Variants in TMEM135 observed in about 807,000 individuals in gnomAD.
TMEM135 encodes the protein transmembrane protein 135, also known as peroxisomal membrane protein 52.
A neutral mutation model predicts 60.3 loss-of-function variants in TMEM135; 30 were observed. That is an observed-to-expected ratio of 0.50 (90% CI 0.37 to 0.68). The LOEUF (loss-of-function observed/expected upper bound fraction) is 0.68. Ranked by LOEUF, TMEM135 falls within the 30% of genes least tolerant of loss-of-function variation. The pLI is 0.00. For missense variants in TMEM135, 468 were observed against 548.8 expected, an observed-to-expected ratio of 0.85 and a Z score of 1.47; for synonymous variants, 190 against 186.7, an observed-to-expected ratio of 1.02 and a Z score of -0.14.
rs71040298 is a variant in TMEM135 at position 87,201,950 on chromosome 11, T to TTTATGTTATGTTATGTTATGTTATG, written c.463-34651_463-34627dup. Among the ~76,000 whole-genome samples, 42 of 137,926 alleles carry TTTATGTTATGTTATGTTATGTTATG rather than the reference T, an allele frequency of 3.0e-4. 1 individual carries two copies. Among genetic ancestry groups the TTTATGTTATGTTATGTTATGTTATG allele is most frequent in the Admixed American group, 7.6e-4 (10 of 13,182 alleles). The allele number at this position is 137,926 out of a possible 152,430, so 90.5% of individuals were successfully genotyped here. On this transcript the variant is annotated intron_variant, in intron 5 of 14. Coordinates refer to ENST00000305494, the MANE Select transcript of TMEM135 (RefSeq NM_022918.4). ...ATGCATTCACTTTTGGTATTTATTT[T>TTTATGTTATGTTATGTTATGTTATG]TTATGTTATGTTATGTTATGTTATG...
intron 6 of TMEM135, among the ~76,000 whole-genome samples, chr11:87,241,843 T>G (rs1941142249): frequency 6.9e-6 from 1 of 144,468 alleles, no homozygotes; most frequent in Admixed American, 6.9e-5. Context: ...TGACAGCCTT[T>G]TTTTTTAAAA....
At chr11:87,155,545 C>T (rs1300589250) in intron 4 of TMEM135, among the ~76,000 whole-genome samples, 1 of 152,118 alleles carries the variant, frequency 6.6e-6, no homozygotes, top group Non-Finnish European at 1.5e-5. Context: ...CAAGTCAGTA[C>T]ACCAAGACAT....
chr11:87,109,979 T>C (rs946893301), intron 4 of TMEM135, among the ~76,000 whole-genome samples: 9 of 152,204 alleles, frequency 5.9e-5, no homozygotes. Context: ...ATGGAATGGA[T>C]AACAGAATGA....
At chr11:87,249,144 A>G (rs1333747992) in intron 6 of TMEM135, among the ~76,000 whole-genome samples, 3 of 152,180 alleles carry the variant, frequency 2.0e-5, no homozygotes, top group Non-Finnish European at 4.4e-5. Context: ...AACAGTCATG[A>G]AAGTGGGCAT....
chr11:87,304,696 A>G (rs1020064342), intron 8 of TMEM135, among the ~76,000 whole-genome samples: 30 of 152,216 alleles, frequency 2.0e-4, no homozygotes, highest in Non-Finnish European at 1.3e-4. Flanking sequence ...TTGCTAATCA[A>G]TTTGCGAATG....
In TMEM135 at chr11:87,102,709, T is replaced by TATGTATATAC. The variant is rs1486761501; in HGVS notation, c.396+11316_396+11317insGTATATACAT. On this transcript the variant is annotated intron_variant, in intron 4 of 14. Coordinates refer to ENST00000305494, the MANE Select transcript of TMEM135 (RefSeq NM_022918.4). ...ATGTGTGTGTATATATATATGTATA[T>TATGTATATAC]ATATGTATATATATATATGTATATA... Among the ~76,000 whole-genome samples the TATGTATATAC allele has an allele frequency of 1.4e-4, 13 of 90,710 alleles. No homozygotes were observed. In the South Asian group the frequency reaches 4.2e-3, roughly 29 times the overall value. 59.5% of individuals were successfully genotyped at this position (90,710 alleles called of 152,430 possible).
intron 9 of TMEM135, among the ~76,000 whole-genome samples, chr11:87,306,324 T>A (rs1460412828): frequency 1.3e-5 from 2 of 152,212 alleles, no homozygotes; most frequent in South Asian, 2.1e-4. Context: ...TTGTAATGTA[T>A]CCTCATTAGA....
chr11:87,250,901 G>C (rs1002550296), intron 6 of TMEM135, among the ~76,000 whole-genome samples: 1 of 152,148 alleles, frequency 6.6e-6, no homozygotes, highest in Non-Finnish European at 1.5e-5. Flanking sequence ...ACAGGTAATA[G>C]GGGATGCTCT....
chr11:87,099,747 A>T (rs1465597756), intron 4 of TMEM135, among the ~76,000 whole-genome samples: 1 of 132,554 alleles, frequency 7.5e-6, no homozygotes, highest in African/African-American at 2.9e-5. Context: ...CAGTGGCGTG[A>T]TCTTGGCTCA....
intron 6 of TMEM135, among the ~76,000 whole-genome samples, chr11:87,285,569 T>G (rs1942148870): frequency 6.6e-6 from 1 of 152,114 alleles, no homozygotes; most frequent in Non-Finnish European, 1.5e-5. Flanking sequence ...GAGTTGTTCA[T>G]TCCACCTGTT....
intron 1 of TMEM135, among the ~76,000 whole-genome samples, chr11:87,041,396 G>A (rs1377217173): frequency 6.6e-6 from 1 of 151,910 alleles, no homozygotes; most frequent in Non-Finnish European, 1.5e-5. Flanking sequence ...ACAAAATGAT[G>A]CTTTCAGATG....
At chr11:87,114,545 A>G (rs896885806) in intron 4 of TMEM135, among the ~76,000 whole-genome samples, 6 of 152,208 alleles carry the variant, frequency 3.9e-5, no homozygotes. Context: ...CATTTGGAAC[A>G]TACTTGTAGA....
At chr11:87,109,856 G>C (rs2135196938) in intron 4 of TMEM135, among the ~76,000 whole-genome samples, 1 of 150,848 alleles carries the variant, frequency 6.6e-6, no homozygotes, top group African/African-American at 2.4e-5. Context: ...TTATTGTACT[G>C]TATGTCAGTG....
chr11:87,100,177 A>G (rs1179704124), intron 4 of TMEM135, among the ~76,000 whole-genome samples: 2 of 152,226 alleles, frequency 1.3e-5, no homozygotes, highest in African/African-American at 4.8e-5. Flanking sequence ...TTAGCCATTT[A>G]TAAATGCTCA....
At chr11:87,305,819 T>TC in intron 8 of TMEM135, 117 bp from the exon 9 acceptor site, 1 of 468,470 alleles carries the variant, frequency 2.1e-6, no homozygotes, top group Non-Finnish European at 3.7e-6. Context: ...TGATGTTTTC[T>TC]TCTCTCTCTT....
intron 6 of TMEM135, among the ~76,000 whole-genome samples, chr11:87,271,805 A>G (rs72957897): frequency 0.025 from 3,782 of 151,936 alleles, 70 homozygotes; most frequent in Non-Finnish European, 0.036. Context: ...GCTTGGCAGC[A>G]TGCGCTTATT....
intron 4 of TMEM135, among the ~76,000 whole-genome samples, chr11:87,142,321 G>A (rs1938284331): frequency 6.6e-6 from 1 of 152,192 alleles, no homozygotes; most frequent in Non-Finnish European, 1.5e-5. Context: ...GTTTAGGAGA[G>A]CCTCGCTTGA....
At chr11:87,096,147 G>A (rs61904180) in intron 4 of TMEM135, 31,223 of 299,410 alleles carry the variant, frequency 0.1, 2,186 homozygotes, top group Middle Eastern at 0.12. Context: ...TGTTGATGCT[G>A]AAACAGGACT....
intron 6 of TMEM135, among the ~76,000 whole-genome samples, chr11:87,251,829 G>A (rs528069): frequency 0.089 from 13,486 of 152,268 alleles, 759 homozygotes; most frequent in South Asian, 0.16. Flanking sequence ...GTTAAGAGTA[G>A]TGATTGTTTT....
Sources: gnomAD v4.1 joint callset for allele counts (sites outside exome capture counted in the v4.1 genomes callset) on GRCh38, gnomAD v4.1.1 for gene constraint, MANE v1.5 for transcripts, NCBI Gene and HGNC (gene_info 2026-07-23, HGNC 2026-07-21) for gene names.